The following DTD1 variants were observed in gnomAD, a reference collection of about 807,000 sequenced individuals.
DTD1 encodes D-aminoacyl-tRNA deacylase 1, also known as D-tyrosyl-tRNA deacylase 1 homolog.
Under a neutral mutation model 25.6 loss-of-function variants are expected in DTD1, and 13 were observed. That is an observed-to-expected ratio of 0.51 (90% CI 0.33 to 0.81). The LOEUF (loss-of-function observed/expected upper bound fraction) is 0.81. Among genes scored for constraint, DTD1 ranks in the 30% least tolerant of loss-of-function variants. The pLI is 0.02. For synonymous variants in DTD1, 110 were observed against 103.6 expected, an observed-to-expected ratio of 1.06 and a Z score of -0.37; for missense variants, 193 against 266.4, an observed-to-expected ratio of 0.72 and a Z score of 1.92.
intron 4 of DTD1, among the ~76,000 whole-genome samples, chr20:18,638,256 C>A (rs936089080): frequency 2.6e-5 from 4 of 152,126 alleles, no homozygotes; most frequent in Non-Finnish European, 4.4e-5. Flanking sequence ...TCATCCAATA[C>A]CTTTATCCAG....
At chr20:18,747,552 G>C (rs1302324448) in intron 5 of DTD1, among the ~76,000 whole-genome samples, 12 of 152,160 alleles carry the variant, frequency 7.9e-5, no homozygotes, top group Admixed American at 7.9e-4. Context: ...GTAATTACTT[G>C]GTCCAGAAGC....
intron 3 of DTD1, among the ~76,000 whole-genome samples, chr20:18,600,341 C>T (rs940738110): frequency 6.6e-6 from 1 of 151,634 alleles, no homozygotes; most frequent in Non-Finnish European, 1.5e-5. Context: ...GTTATTCCAA[C>T]ATCATTTGTT....
At chr20:18,731,885 G>A (rs2061240071) in intron 4 of DTD1, among the ~76,000 whole-genome samples, 1 of 152,088 alleles carries the variant, frequency 6.6e-6, no homozygotes, top group Non-Finnish European at 1.5e-5. Flanking sequence ...GAAGCCTTGG[G>A]GAATGTACTT....
At chr20:18,694,379 C>T (rs766940400) in intron 4 of DTD1, among the ~76,000 whole-genome samples, 32 of 152,268 alleles carry the variant, frequency 2.1e-4, no homozygotes, top group Non-Finnish European at 4.3e-4. Context: ...TGAGCCCACC[C>T]GTGCCTTGCA....
intron 4 of DTD1, among the ~76,000 whole-genome samples, chr20:18,708,273 A>ATTT (rs1157002244): frequency 6.0e-5 from 1 of 16,572 alleles, no homozygotes; most frequent in South Asian, 2.2e-3. Flanking sequence ...TTTTATATAT[A>ATTT]TATAATATAT....
intron 4 of DTD1, among the ~76,000 whole-genome samples, chr20:18,695,645 G>T (rs1222839072): frequency 2.3e-4 from 21 of 89,570 alleles, no homozygotes; most frequent in Admixed American, 1.7e-4. Flanking sequence ...CTCTCCTTCT[G>T]CCCTCCCTCC....
chr20:18,690,191 A>G lies in DTD1; in HGVS notation c.478-53909A>G, dbSNP rs559786506. ...TTTTACCCATGTAAAAAATTGAATT[A>G]TTTGTTTTTGTCTTGTTGATTTTTT... On this transcript the variant is annotated intron_variant, in intron 4 of 5. Transcript: ENST00000377452. Among the ~76,000 whole-genome samples the G allele has an allele frequency of 4.6e-4, 69 of 150,988 alleles. 2 individuals carry two copies. The East Asian group carries it at 0.012, about 26-fold the overall frequency.
At chr20:18,708,403 T>A (rs1200346751) in intron 4 of DTD1, among the ~76,000 whole-genome samples, 1 of 136,758 alleles carries the variant, frequency 7.3e-6, no homozygotes, top group Admixed American at 8.2e-5. Context: ...TCGCCCAGGC[T>A]GGAGTACAGT....
At chr20:18,724,067 C>G (rs548797103) in intron 4 of DTD1, among the ~76,000 whole-genome samples, 2 of 152,192 alleles carry the variant, frequency 1.3e-5, no homozygotes, top group Non-Finnish European at 2.9e-5. Context: ...ATCTCCTGCC[C>G]CCTTTTAAGA....
At chr20:18,653,821 C>G (rs2060882429) in intron 4 of DTD1, among the ~76,000 whole-genome samples, 1 of 152,168 alleles carries the variant, frequency 6.6e-6, no homozygotes. Context: ...AACAGAGCAT[C>G]ATTGTTAATA....
chr20:18,597,017 CAT>C (rs772250801), intron 3 of DTD1, among the ~76,000 whole-genome samples: 55 of 152,230 alleles, frequency 3.6e-4, no homozygotes, highest in African/African-American at 5.5e-4. Context: ...TTTATAATGA[CAT>C]GTGTCTACCA....
At chr20:18,634,779 CAG>C (rs1386879731) in intron 4 of DTD1, among the ~76,000 whole-genome samples, 1 of 152,094 alleles carries the variant, frequency 6.6e-6, no homozygotes, top group Non-Finnish European at 1.5e-5. Flanking sequence ...CTTCCAGTGA[CAG>C]GGGCAGCCTT....
At chr20:18,688,322 T>C (rs2122427980) in intron 4 of DTD1, among the ~76,000 whole-genome samples, 1 of 152,350 alleles carries the variant, frequency 6.6e-6, no homozygotes, top group South Asian at 2.1e-4. Context: ...GCAGACATTT[T>C]TGAAATAATT....
chr20:18,683,175 C>T (rs1366820135), intron 4 of DTD1, among the ~76,000 whole-genome samples: 2 of 152,154 alleles, frequency 1.3e-5, no homozygotes, highest in Non-Finnish European at 2.9e-5. Context: ...TCATAGGGCA[C>T]TGCGCATATG....
At chr20:18,625,556 T>C (rs2060754161) in intron 3 of DTD1, among the ~76,000 whole-genome samples, 1 of 152,230 alleles carries the variant, frequency 6.6e-6, no homozygotes, top group Non-Finnish European at 1.5e-5. Context: ...CCATGGATGC[T>C]AGCGGCTTCC....
At chr20:18,651,995 T>C (rs2060875941) in intron 4 of DTD1, among the ~76,000 whole-genome samples, 1 of 152,200 alleles carries the variant, frequency 6.6e-6, no homozygotes, top group African/African-American at 2.4e-5. Context: ...CACTGGTTCC[T>C]GTCCCCATTG....
intron 3 of DTD1, among the ~76,000 whole-genome samples, chr20:18,601,125 T>C (rs1729563776): frequency 6.6e-6 from 1 of 152,146 alleles, no homozygotes; most frequent in Non-Finnish European, 1.5e-5. Flanking sequence ...TTTCTGCTCT[T>C]AGTGGGAAAG....
intron 3 of DTD1, among the ~76,000 whole-genome samples, chr20:18,623,257 A>G (rs1328824801): frequency 1.3e-5 from 2 of 152,196 alleles, no homozygotes; most frequent in African/African-American, 2.4e-5. Flanking sequence ...GATTTTTAAA[A>G]TTATTTTGAA....
At chr20:18,709,165 G>C (rs2061148182) in intron 4 of DTD1, among the ~76,000 whole-genome samples, 1 of 152,130 alleles carries the variant, frequency 6.6e-6, no homozygotes, top group Admixed American at 6.5e-5. Flanking sequence ...CCTTTGAAAA[G>C]ACTTGTACAC....
Sources: allele counts gnomAD v4.1 joint callset (sites outside exome capture counted in the v4.1 genomes callset), GRCh38; gene constraint gnomAD v4.1.1; transcripts MANE v1.5; gene names NCBI Gene and HGNC (gene_info 2026-07-23, HGNC 2026-07-21).